The following MARCHF4 variants were observed in gnomAD, a reference collection of about 807,000 sequenced individuals.
The protein encoded by MARCHF4 is membrane associated ring-CH-type finger 4.
A neutral mutation model predicts 43.9 loss-of-function variants in MARCHF4; 14 were observed. The observed-to-expected ratio is 0.32, with a 90% CI of 0.21 to 0.50. The LOEUF (loss-of-function observed/expected upper bound fraction) is 0.50, where lower values mean the gene tolerates loss of function less well. MARCHF4 is among the 20% of genes least tolerant of loss of function. The probability of loss-of-function intolerance (pLI) is 0.98; values close to 1 mark genes in which losing one functional copy is unlikely to be tolerated. For synonymous variants in MARCHF4, 226 were observed against 213.3 expected (o/e 1.06, Z -0.52); for missense variants, 468 against 536.7 (o/e 0.87, Z 1.27).
At chr2:216,363,476 C>A (rs1487601154) in intron 1 of MARCHF4, among the ~76,000 whole-genome samples, 1 of 152,202 alleles carries the variant, frequency 6.6e-6, no homozygotes, top group South Asian at 2.1e-4. Flanking sequence ...GAGCCTGTAA[C>A]CCTGTGGTGG....
At chr2:216,283,429 G>A (rs541221855) in intron 2 of MARCHF4, 145 bp downstream of exon 2, 64 of 853,654 alleles carry the variant, frequency 7.5e-5, no homozygotes, top group East Asian at 6.7e-4. Context: ...CCTGCCCCAC[G>A]CCGCCCACCG....
chr2:216,363,262 A>G (rs1692615025), intron 1 of MARCHF4, among the ~76,000 whole-genome samples: 4 of 152,226 alleles, frequency 2.6e-5, no homozygotes. Flanking sequence ...GATACTGGTA[A>G]GTGAAGGATT....
intron 2 of MARCHF4, among the ~76,000 whole-genome samples, chr2:216,279,589 G>T (rs1691093283): frequency 6.6e-6 from 1 of 152,220 alleles, no homozygotes; most frequent in African/African-American, 2.4e-5. Flanking sequence ...TGCCAACAGG[G>T]AGACCCGGAT....
At chr2:216,317,737 T>C (rs1023101887) in intron 1 of MARCHF4, among the ~76,000 whole-genome samples, 1 of 152,184 alleles carries the variant, frequency 6.6e-6, no homozygotes, top group Non-Finnish European at 1.5e-5. Flanking sequence ...AAGCAAGCTT[T>C]TTTTACACCT....
chr2:216,291,982 G>A (rs1214477327), intron 1 of MARCHF4, among the ~76,000 whole-genome samples: 1 of 152,166 alleles, frequency 6.6e-6, no homozygotes, highest in African/African-American at 2.4e-5. Flanking sequence ...ACCCACAGCA[G>A]CCTGTCCATC....
At chr2:216,275,942 A>C (rs775921167) in intron 3 of MARCHF4, among the ~76,000 whole-genome samples, 2 of 152,202 alleles carry the variant, frequency 1.3e-5, no homozygotes, top group Non-Finnish European at 2.9e-5. Flanking sequence ...GGGTCCCAGC[A>C]TGAGGAGACA....
At chr2:216,328,423 G>A (rs1692030786) in intron 1 of MARCHF4, among the ~76,000 whole-genome samples, 1 of 152,134 alleles carries the variant, frequency 6.6e-6, no homozygotes, top group Non-Finnish European at 1.5e-5. Context: ...ACAATCCTGA[G>A]GCTTGTTAAG....
At chr2:216,266,154 G>C (rs1242619505) in intron 3 of MARCHF4, 3 of 152,176 alleles carry the variant, frequency 2.0e-5, no homozygotes, top group Non-Finnish European at 2.9e-5. Context: ...TAACTTACCA[G>C]TGAGTATGTA....
rs1691050262 is a variant in MARCHF4 at position 216,277,735 on chromosome 2, G to A, written c.802C>T (p.Arg268Cys). 5 of 1,614,146 alleles carry A rather than the reference G, an allele frequency of 3.1e-6. No individual in the cohort carries two copies. Among genetic ancestry groups the A allele is most frequent in the Non-Finnish European group, 4.2e-6 (5 of 1,180,008 alleles). ...CAGATCTGGAAGAGAAGGTCTTGGC[G>A]CTGCCATCTTGCCGAGGGGCTGAAA... is the stretch of plus-strand genomic sequence containing the variant. The part of the protein sequence containing the change: ...STFSPSARWQ[R>C]QDLLFQICYG... The change falls in exon 3 of 4, where the codon CGC becomes TGC. Residue 268 changes from arginine to cysteine, a missense_variant. This residue lies in a region of MARCHF4 where 158 missense variants were observed against 251.1 expected (regional missense o/e 0.63). Coordinates refer to ENST00000273067, the MANE Select transcript of MARCHF4 (RefSeq NM_020814.3).
At chr2:216,259,833 G>A in intron 3 of MARCHF4, 154 bp from the exon 4 acceptor site, 1 of 731,348 alleles carries the variant, frequency 1.4e-6, no homozygotes, top group Non-Finnish European at 2.2e-6. Flanking sequence ...GGCTCAGCAA[G>A]TTCCAGTAGG....
chr2:216,312,394 T>C (rs1691701904), intron 1 of MARCHF4, among the ~76,000 whole-genome samples: 2 of 152,236 alleles, frequency 1.3e-5, no homozygotes, highest in African/African-American at 4.8e-5. Flanking sequence ...GACTCTGACA[T>C]TGTGAATAGT....
chr2:216,344,230 G>A (rs535113335), intron 1 of MARCHF4, among the ~76,000 whole-genome samples: 1 of 146,908 alleles, frequency 6.8e-6, no homozygotes, highest in South Asian at 2.2e-4. Context: ...CTCATCCACA[G>A]CAAAACAAAA....
At chr2:216,325,880 C>T (rs1691982309) in intron 1 of MARCHF4, among the ~76,000 whole-genome samples, 2 of 147,316 alleles carry the variant, frequency 1.4e-5, no homozygotes, top group South Asian at 4.5e-4. Context: ...TAGGCATTAC[C>T]ATTCAGGACA....
intron 1 of MARCHF4, among the ~76,000 whole-genome samples, chr2:216,310,833 T>C (rs1691674425): frequency 6.6e-6 from 1 of 152,158 alleles, no homozygotes; most frequent in South Asian, 2.1e-4. Flanking sequence ...AGAGAGGTGT[T>C]AGGCTGACAA....
intron 1 of MARCHF4, among the ~76,000 whole-genome samples, chr2:216,313,185 G>T (rs1691717621): frequency 6.6e-6 from 1 of 152,118 alleles, no homozygotes. Context: ...AGGTCAATTT[G>T]TTGTAGGTAT....
rs749754319 is a variant in MARCHF4, at chr2:216,283,649, C to T, written c.597G>A (p.Glu199=). 1 of 1,613,888 alleles carries T rather than the reference C, an allele frequency of 6.2e-7. No homozygotes were observed. Among genetic ancestry groups the T allele is most frequent in the Non-Finnish European group, 8.5e-7 (1 of 1,179,744 alleles). The change falls in exon 2 of 4, where the codon GAG becomes GAA. Residue 199 remains glutamate, a synonymous_variant. Coordinates refer to ENST00000273067, the MANE Select transcript of MARCHF4 (RefSeq NM_020814.3). ...HQPCLIKWIS[E]RGCWSCELCY... ...ACAGCTCGCAGCTCCAGCAGCCCCG[C>T]TCGCTGATCCACTTGATGAGGCAAG...
intron 3 of MARCHF4, among the ~76,000 whole-genome samples, chr2:216,261,310 T>C (rs1172709276): frequency 1.3e-5 from 2 of 152,210 alleles, no homozygotes. Flanking sequence ...TTTCAGCTTC[T>C]AGAAATTGCA....
chr2:216,348,856 A>G (rs1328778510), intron 1 of MARCHF4, among the ~76,000 whole-genome samples: 1 of 152,172 alleles, frequency 6.6e-6, no homozygotes, highest in African/African-American at 2.4e-5. Context: ...GGTACACACT[A>G]AAGACTCCAT....
intron 1 of MARCHF4, among the ~76,000 whole-genome samples, chr2:216,356,007 G>A (rs1692496473): frequency 6.6e-6 from 1 of 152,184 alleles, no homozygotes; most frequent in Non-Finnish European, 1.5e-5. Flanking sequence ...TTCCAAACCA[G>A]TCAAAGAACT....
Sources: gnomAD v4.1 joint callset for allele counts (sites outside exome capture counted in the v4.1 genomes callset) on GRCh38, gnomAD v4.1.1 for gene constraint, gnomAD v4.1.1 regional missense constraint, MANE v1.5 for transcripts, NCBI Gene and HGNC (gene_info 2026-07-23, HGNC 2026-07-21) for gene names.